ANGPT1: variants seen among roughly 807,000 people sequenced by gnomAD.
ANGPT1 encodes the protein angiopoietin-1.
ANGPT1 carries 17 observed loss-of-function variants against 62.2 expected under a neutral mutation model. The ratio of observed to expected loss-of-function variants is 0.27; its 90% CI spans 0.19 to 0.41. The LOEUF (loss-of-function observed/expected upper bound fraction) is 0.41. Ranked by LOEUF, ANGPT1 falls within the 10% of genes least tolerant of loss-of-function variation. The pLI is 1.00. For missense variants in ANGPT1, 478 were observed against 594.9 expected, an observed-to-expected ratio of 0.80 and a Z score of 2.04; for synonymous variants, 199 against 198.9, an observed-to-expected ratio of 1.00 and a Z score of 0.00.
At chr8:107,405,157 T>C (rs1817123691) in intron 1 of ANGPT1, among the ~76,000 whole-genome samples, 1 of 151,930 alleles carries the variant, frequency 6.6e-6, no homozygotes, top group South Asian at 2.1e-4. Flanking sequence ...AAATAATTGA[T>C]ATTACAGTTT....
intron 1 of ANGPT1, among the ~76,000 whole-genome samples, chr8:107,437,653 C>T (rs1811366355): frequency 6.6e-6 from 1 of 152,034 alleles, no homozygotes; most frequent in Non-Finnish European, 1.5e-5. Flanking sequence ...CTTAACCAGG[C>T]TCTATTAAAC....
chr8:107,289,884 T>C (rs1432442190), intron 6 of ANGPT1, among the ~76,000 whole-genome samples: 5 of 152,144 alleles, frequency 3.3e-5, no homozygotes, highest in African/African-American at 9.7e-5. Context: ...TTGCGTTTTA[T>C]ATGTGAAAGT....
intron 8 of ANGPT1, among the ~76,000 whole-genome samples, chr8:107,256,524 G>A (rs1296753697): frequency 6.6e-6 from 1 of 152,148 alleles, no homozygotes; most frequent in Non-Finnish European, 1.5e-5. Flanking sequence ...TAGATACTCA[G>A]TACATATGGT....
chr8:107,456,868 T>A (rs1180751988), intron 1 of ANGPT1, among the ~76,000 whole-genome samples: 1 of 152,092 alleles, frequency 6.6e-6, no homozygotes, highest in East Asian at 1.9e-4. Context: ...AAGAATGAAA[T>A]GGGATCTGCT....
At chr8:107,396,025 A>G (rs547914949) in intron 1 of ANGPT1, among the ~76,000 whole-genome samples, 1 of 152,320 alleles carries the variant, frequency 6.6e-6, no homozygotes, top group African/African-American at 2.4e-5. Flanking sequence ...AAAGTGCTTC[A>G]GAACCTGAAT....
intron 3 of ANGPT1, chr8:107,322,766 G>A (rs2130067041): frequency 7.0e-6 from 2 of 284,656 alleles, no homozygotes; most frequent in South Asian, 6.7e-5. Context: ...AAGGATATTA[G>A]AAAATGCTCA....
At chr8:107,302,624 G>C (rs376162656) in intron 5 of ANGPT1, among the ~76,000 whole-genome samples, 3 of 152,028 alleles carry the variant, frequency 2.0e-5, no homozygotes, top group East Asian at 3.9e-4. Context: ...TGAATAAATG[G>C]TGGAAGACAG....
intron 7 of ANGPT1, among the ~76,000 whole-genome samples, chr8:107,271,033 T>G (rs1204703837): frequency 6.6e-6 from 1 of 151,950 alleles, no homozygotes; most frequent in Non-Finnish European, 1.5e-5. Context: ...GAAATAACCC[T>G]CTATAAAGCC....
At chr8:107,338,958 A>G (rs1325128409) in intron 2 of ANGPT1, among the ~76,000 whole-genome samples, 1 of 152,218 alleles carries the variant, frequency 6.6e-6, no homozygotes, top group South Asian at 2.1e-4. Flanking sequence ...CAAGCATATC[A>G]TATGCAGTTA....
chr8:107,370,170 G>GAGGAAGA (rs879643106), intron 1 of ANGPT1, among the ~76,000 whole-genome samples: 1 of 98,746 alleles, frequency 1.0e-5, no homozygotes, highest in Non-Finnish European at 2.1e-5. Flanking sequence ...GAAAGAAAGA[G>GAGGAAGA]AGAAAGAAGA....
intron 7 of ANGPT1, among the ~76,000 whole-genome samples, chr8:107,283,678 C>A (rs1385695007): frequency 6.6e-6 from 1 of 152,086 alleles, no homozygotes; most frequent in Non-Finnish European, 1.5e-5. Context: ...CCCTTTAATT[C>A]ATACAATCAT....
intron 1 of ANGPT1, among the ~76,000 whole-genome samples, chr8:107,481,899 C>T (rs1390370917): frequency 1.3e-5 from 2 of 152,176 alleles, no homozygotes; most frequent in East Asian, 1.9e-4. Flanking sequence ...GAGGTCTCTC[C>T]CACAACACGT....
At chr8:107,299,411 AT>A (rs1385449402) in intron 5 of ANGPT1, among the ~76,000 whole-genome samples, 9 of 142,472 alleles carry the variant, frequency 6.3e-5, no homozygotes, top group African/African-American at 1.8e-4. Context: ...ATATATATAT[AT>A]ATATATATAA....
At chr8:107,260,256 T>C (rs1476475232) in intron 8 of ANGPT1, among the ~76,000 whole-genome samples, 1 of 152,126 alleles carries the variant, frequency 6.6e-6, no homozygotes, top group Non-Finnish European at 1.5e-5. Flanking sequence ...TTCCTCTATG[T>C]ACTTGAAGAA....
chr8:107,300,059 C>G (rs1353650448), intron 5 of ANGPT1, among the ~76,000 whole-genome samples: 1 of 139,464 alleles, frequency 7.2e-6, no homozygotes, highest in Non-Finnish European at 1.5e-5. Context: ...ATAGTTATAT[C>G]TAGATATAGG....
intron 6 of ANGPT1, among the ~76,000 whole-genome samples, chr8:107,290,575 C>T (rs1004629548): frequency 3.3e-5 from 5 of 151,992 alleles, no homozygotes; most frequent in East Asian, 1.9e-4. Context: ...GAGAAAGAAC[C>T]GAAACACTGT....
chr8:107,284,832 G>A lies in ANGPT1; in HGVS notation c.1055C>T (p.Ser352Phe), dbSNP rs773913561. The A allele has an allele frequency of 2.7e-5, 43 of 1,597,492 alleles. No homozygotes were observed. The highest frequency in any genetic ancestry group is 3.6e-5 in the Non-Finnish European group (42 of 1,169,660). The change falls in exon 7 of 9, where the codon TCC (serine) becomes TTC (phenylalanine). Residue 352 changes from serine to phenylalanine, a missense_variant. Coordinates refer to ENST00000517746, the MANE Select transcript of ANGPT1 (RefSeq NM_001146.5). The stretch of plus-strand genomic sequence containing the variant: ...CTCATTCCCCAGCCAATATTCACCG[G>A]AGGGATTTCCAAAACCCTGGGAAAC... ...KEYKMGFGNP[S>F]GEYWLGNEFI...
intron 7 of ANGPT1, among the ~76,000 whole-genome samples, chr8:107,279,284 T>C (rs1451321165): frequency 2.6e-5 from 4 of 152,130 alleles, no homozygotes; most frequent in African/African-American, 9.7e-5. Context: ...TTGTAGAAAA[T>C]TTTTGAGCTA....
chr8:107,356,348 G>C (rs1392404961), intron 1 of ANGPT1, among the ~76,000 whole-genome samples: 1 of 152,158 alleles, frequency 6.6e-6, no homozygotes, highest in African/African-American at 2.4e-5. Flanking sequence ...ACTTAATGCT[G>C]TTCATTGAGA....
Sources: gnomAD v4.1 joint callset for allele counts (sites outside exome capture counted in the v4.1 genomes callset) on GRCh38, gnomAD v4.1.1 for gene constraint, MANE v1.5 for transcripts, NCBI Gene and HGNC (gene_info 2026-07-23, HGNC 2026-07-21) for gene names.